The following ZNF554 variants were observed in gnomAD, a reference collection of about 807,000 sequenced individuals.
ZNF554 encodes zinc finger protein 554.
Under a neutral mutation model 21.2 loss-of-function variants are expected in ZNF554, and 15 were observed. That is an observed-to-expected ratio of 0.71 (90% CI 0.47 to 1.09). The LOEUF (loss-of-function observed/expected upper bound fraction) is 1.09. ZNF554 is among the 50% of genes least tolerant of loss of function. ZNF554 has a pLI of 0.00. For synonymous variants in ZNF554, 258 were observed against 251.4 expected (o/e 1.03, Z -0.25); for missense variants, 691 against 662.7 (o/e 1.04, Z -0.47).
Position 2,834,610 on chromosome 19 carries a change from A to G in ZNF554, c.1375A>G (p.Thr459Ala). ...TCTCAACCAGCACGAGCGAACTCAC[A>G]CGGGCGAGAACCCCTATGAATGTAA... ...SSLNQHERTHTGENPYECKQC... is the reference protein window; with the variant it reads ...SSLNQHERTHAGENPYECKQC... The change falls in exon 5 of 5, where the codon ACG becomes GCG. Residue 459 changes from threonine (T) to alanine (A), a missense_variant. Physicochemically the swap from Thr to Ala is moderately conservative, Grantham distance 58. Transcript: ENST00000317243. The G allele has an allele frequency of 6.2e-7, 1 of 1,614,134 alleles. No individual in the cohort carries two copies. The highest frequency in any genetic ancestry group is 2.2e-5 in the East Asian group (1 of 44,878).
chr19:2,827,224 G>A (rs2087347394), intron 2 of ZNF554, among the ~76,000 whole-genome samples: 1 of 152,158 alleles, frequency 6.6e-6, no homozygotes, highest in Non-Finnish European at 1.5e-5. Flanking sequence ...GTCCTGGATA[G>A]GTCAGCAATA....
At position 2,833,879 on chromosome 19, in the gene ZNF554, A is replaced by C. The variant is rs753215769; in HGVS notation, c.644A>C (p.Lys215Thr). 1 of 1,613,330 alleles carries C rather than the reference A, an allele frequency of 6.2e-7. No homozygotes were observed. The highest frequency in any genetic ancestry group is 8.5e-7 in the Non-Finnish European group (1 of 1,179,398). ...SLHVVAVPQEKATAWHGFGEN... is the reference protein window; with the variant it reads ...SLHVVAVPQETATAWHGFGEN... ...CACGTAGTGGCCGTTCCTCAGGAGA[A>C]GGCTACTGCATGGCATGGATTTGGG... The change falls in exon 5 of 5, where the codon AAG (lysine) becomes ACG (threonine). Residue 215 changes from lysine (K) to threonine (T), a missense_variant. By Grantham distance (78) the Lys-to-Thr change is moderately conservative. Coordinates refer to ENST00000317243, the MANE Select transcript of ZNF554 (RefSeq NM_001102651.2).
chr19:2,834,640 T>G lies in ZNF554; in HGVS notation c.1405T>G (p.Cys469Gly), dbSNP rs375552527. 40 of 1,613,940 alleles carry G rather than the reference T, an allele frequency of 2.5e-5. No homozygotes were observed. Among genetic ancestry groups the G allele is most frequent in the Non-Finnish European group, 3.4e-5 (40 of 1,180,010 alleles). ...CGAGAACCCCTATGAATGTAAGCAG[T>G]GTGGGAGAGCCTTCAGCCAGAGGTC... Reference protein sequence around the residue: ...TGENPYECKQCGRAFSQRSSL... With the variant: ...TGENPYECKQGGRAFSQRSSL... The change falls in exon 5 of 5, where the codon TGT becomes GGT. Residue 469 changes from cysteine to glycine, a missense_variant. By Grantham distance (159) the Cys-to-Gly change is radical. Coordinates refer to ENST00000317243, the MANE Select transcript of ZNF554 (RefSeq NM_001102651.2).
chr19:2,821,342 C>T lies in ZNF554; in HGVS notation c.53+1218C>T, dbSNP rs761519610. On this transcript the variant is annotated intron_variant, in intron 1 of 4. Transcript: ENST00000317243. This position sits in a 1 kb window ranked among gnomAD's most constrained non-coding sequence, Gnocchi z 8.2. ...CTGACCTCAGGTGATCCACCTACCT[C>T]GGCCTCCCAAAGTGACCACTGCGCC... 6.6e-5 allele frequency among the ~76,000 whole-genome samples: 10 copies of T among 152,014 alleles called. No individual in the cohort carries two copies. Among genetic ancestry groups the T allele is most frequent in the South Asian group, 2.1e-4 (1 of 4,824 alleles).
chr19:2,833,404 G>A (rs972428095), intron 4 of ZNF554: 13 of 247,212 alleles, frequency 5.3e-5, no homozygotes, highest in African/African-American at 1.1e-4. Flanking sequence ...GATTACAGGC[G>A]TGAGCCACTG....
chr19:2,823,895 A>G (rs2144804925), intron 2 of ZNF554, among the ~76,000 whole-genome samples: 1 of 151,954 alleles, frequency 6.6e-6, no homozygotes, highest in African/African-American at 2.4e-5. Context: ...ATGAGTCCCC[A>G]CTCTGGTCTG....
At chr19:2,828,121 T>G (rs572653020) in intron 3 of ZNF554, among the ~76,000 whole-genome samples, 3 of 152,152 alleles carry the variant, frequency 2.0e-5, no homozygotes, top group Non-Finnish European at 4.4e-5. Context: ...AAGGTGAGAT[T>G]TGGATGGCAA....
intron 2 of ZNF554, among the ~76,000 whole-genome samples, chr19:2,824,403 G>A (rs1169106639): frequency 6.6e-6 from 1 of 152,238 alleles, no homozygotes; most frequent in Non-Finnish European, 1.5e-5. Flanking sequence ...GCTCCATGGA[G>A]TGTGCAGCCC....
Position 2,827,610 on chromosome 19 carries a change from A to G in ZNF554, c.127-7A>G, listed in dbSNP as rs368128224. On this transcript the variant is annotated splice_region_variant and splice_polypyrimidine_tract_variant and intron_variant, in intron 2 of 4. Coordinates refer to ENST00000317243, the MANE Select transcript of ZNF554 (RefSeq NM_001102651.2). ...CCATCTTGAGCAGAACTGCTGTGAT[A>G]TTCTAGGAATTAGTAACCTTTGAGG... 9.3e-6 allele frequency: 15 copies of G among 1,612,490 alleles called. No homozygotes were observed. The South Asian group carries it at 1.5e-4, about 17-fold the overall frequency.
intron 4 of ZNF554, 106 bp downstream of exon 4, chr19:2,832,600 A>T: frequency 8.2e-7 from 1 of 1,212,864 alleles, no homozygotes; most frequent in South Asian, 1.6e-5. Context: ...GAATGCCAAG[A>T]TCCCTTTCTC....
intron 2 of ZNF554, among the ~76,000 whole-genome samples, chr19:2,825,476 A>G (rs2087319585): frequency 6.6e-6 from 1 of 151,938 alleles, no homozygotes; most frequent in Admixed American, 6.6e-5. Flanking sequence ...ATGCCTGGCT[A>G]ATTTTTGTAT....
intron 2 of ZNF554, 54 bp downstream of exon 2, chr19:2,823,166 C>A: frequency 6.4e-7 from 1 of 1,551,142 alleles, no homozygotes; most frequent in Non-Finnish European, 8.8e-7. Context: ...AGGGAACAAT[C>A]CCACCAGAAA....
intron 2 of ZNF554, among the ~76,000 whole-genome samples, chr19:2,824,336 C>T (rs1013359792): frequency 4.6e-5 from 7 of 152,190 alleles, no homozygotes; most frequent in African/African-American, 1.2e-4. Flanking sequence ...TTCTCAGTTC[C>T]CCCAAGAGCA....
intron 2 of ZNF554, among the ~76,000 whole-genome samples, chr19:2,824,249 TC>T (rs944131918): frequency 6.6e-6 from 1 of 152,192 alleles, no homozygotes; most frequent in African/African-American, 2.4e-5. Context: ...CCTGCCTGCT[TC>T]CTGGAGTGCG....
intron 3 of ZNF554, among the ~76,000 whole-genome samples, chr19:2,828,095 G>A (rs764947435): frequency 6.6e-5 from 10 of 152,110 alleles, no homozygotes; most frequent in Non-Finnish European, 1.5e-4. Flanking sequence ...CCTTGACGTC[G>A]GGATTATTAC....
intron 3 of ZNF554, among the ~76,000 whole-genome samples, chr19:2,830,069 C>T (rs1223088845): frequency 1.3e-5 from 2 of 152,070 alleles, no homozygotes; most frequent in Admixed American, 6.6e-5. Flanking sequence ...GGACTACAGG[C>T]GCCCGCCACC....
Position 2,836,335 on chromosome 19 carries a change from C to T in ZNF554, c.*1483C>T, listed in dbSNP as rs1418137305. Among the ~76,000 whole-genome samples, 3 of 151,118 alleles carry T rather than the reference C, an allele frequency of 2.0e-5. No individual in the cohort carries two copies. The highest frequency in any genetic ancestry group is 1.3e-4 in the Admixed American group (2 of 15,166). On this transcript the variant is annotated 3_prime_UTR_variant, in exon 5 of 5. Transcript: ENST00000317243. The stretch of plus-strand genomic sequence containing the variant: ...AGCCACCCTGCTGGGATTATGGGTG[C>T]GAGCCGCCGTGCTGGGATTACAGGT...
rs376474890 is a variant in ZNF554 at position 2,834,003 on chromosome 19, C to G, written c.768C>G (p.Ser256=). 3.0e-5 allele frequency: 49 copies of G among 1,613,996 alleles called. No individual in the cohort carries two copies. Among genetic ancestry groups the G allele is most frequent in the Non-Finnish European group, 4.0e-5 (47 of 1,180,058 alleles). The part of the protein sequence containing the change: ...GSELDITSLA[S]DSVLNHHQLG... ...AGTTAGATATTACAAGCTTGGCATC[C>G]GATTCAGTCTTAAACCACCATCAGC... is the stretch of plus-strand genomic sequence containing the variant. The change falls in exon 5 of 5, where the codon TCC becomes TCG. Residue 256 remains serine, a synonymous_variant. Coordinates refer to ENST00000317243, the MANE Select transcript of ZNF554 (RefSeq NM_001102651.2).
In ZNF554 at chr19:2,827,654, C is replaced by G; in HGVS notation, c.164C>G (p.Ser55Cys). The G allele has an allele frequency of 6.2e-7, 1 of 1,613,896 alleles. No individual in the cohort carries two copies. Among genetic ancestry groups the G allele is most frequent in the South Asian group, 1.1e-5 (1 of 91,022 alleles). ...TTTGAGGACGTGTCCATGGACTTCT[C>G]CCAGGAGGAGTGGGAGTTGCTGGAG... ...VTFEDVSMDFSQEEWELLEPA... is the reference protein window; with the variant it reads ...VTFEDVSMDFCQEEWELLEPA... The change falls in exon 3 of 5, where the codon TCC (serine) becomes TGC (cysteine). Residue 55 changes from serine to cysteine, a missense_variant. Coordinates refer to ENST00000317243, the MANE Select transcript of ZNF554 (RefSeq NM_001102651.2).
Sources: gnomAD v4.1 joint callset for allele counts (sites outside exome capture counted in the v4.1 genomes callset) on GRCh38, gnomAD v4.1.1 for gene constraint, Gnocchi (gnomAD v3.1) non-coding constraint, MANE v1.5 for transcripts, NCBI Gene and HGNC (gene_info 2026-07-23, HGNC 2026-07-21) for gene names.